Variants in WDR33 observed in about 807,000 individuals in gnomAD.
WDR33 encodes pre-mRNA 3' end processing protein WDR33.
WDR33 carries 47 observed loss-of-function variants against 164.9 expected under a neutral mutation model. That is an observed-to-expected ratio of 0.29 (90% confidence interval 0.23 to 0.36). The LOEUF is 0.36. Among genes scored for constraint, WDR33 ranks in the 10% least tolerant of loss-of-function variants. The pLI, the probability that WDR33 is intolerant of heterozygous loss-of-function variation, is 1.00. For synonymous variants in WDR33, 505 were observed against 589.0 expected, an observed-to-expected ratio of 0.86 and a Z score of 2.06; for missense variants, 1,137 against 1,754.1, an observed-to-expected ratio of 0.65 and a Z score of 6.28.
chr2:127,799,416 C>T (rs1473298013), intron 1 of WDR33, among the ~76,000 whole-genome samples: 2 of 152,222 alleles, frequency 1.3e-5, no homozygotes, highest in South Asian at 2.1e-4. Context: ...ATCCAGAATA[C>T]ACGAAGAACT....
At chr2:127,731,294 CAAAAAA>C (rs35161101) in intron 7 of WDR33, among the ~76,000 whole-genome samples, 1 of 70,326 alleles carries the variant, frequency 1.4e-5, no homozygotes, top group Admixed American at 1.8e-4. Context: ...GACCCTGCCT[CAAAAAA>C]AAAAAAAAAA....
At chr2:127,758,339 G>C (rs1687578339) in intron 7 of WDR33, among the ~76,000 whole-genome samples, 1 of 152,146 alleles carries the variant, frequency 6.6e-6, no homozygotes, top group South Asian at 2.1e-4. Flanking sequence ...GTAGTTAACA[G>C]CATGAATATT....
chr2:127,757,000 C>G (rs1031560791), intron 7 of WDR33, among the ~76,000 whole-genome samples: 1 of 151,512 alleles, frequency 6.6e-6, no homozygotes, highest in African/African-American at 2.4e-5. Context: ...TTGCTTGAAC[C>G]TGCAAGGTGG....
intron 1 of WDR33, among the ~76,000 whole-genome samples, chr2:127,779,627 G>A (rs1244863352): frequency 1.3e-5 from 2 of 152,088 alleles, no homozygotes; most frequent in East Asian, 1.9e-4. Flanking sequence ...AAAGCCAAGG[G>A]CTTGCTGTTA....
chr2:127,744,401 A>G (rs964399903), intron 7 of WDR33, among the ~76,000 whole-genome samples: 2 of 152,258 alleles, frequency 1.3e-5, no homozygotes, highest in Non-Finnish European at 2.9e-5. Flanking sequence ...CATGCAGTCA[A>G]AAAGACTGGG....
chr2:127,798,227 G>C (rs1689108359), intron 1 of WDR33, among the ~76,000 whole-genome samples: 1 of 151,468 alleles, frequency 6.6e-6, no homozygotes, highest in African/African-American at 2.4e-5. Flanking sequence ...ATTTAGCCGG[G>C]CATGGTGGCA....
chr2:127,725,230 T>C lies in WDR33; in HGVS notation c.852-15A>G. 6.4e-7 allele frequency: 1 copy of C among 1,573,584 alleles called. No homozygotes were observed. Among genetic ancestry groups the C allele is most frequent in the Non-Finnish European group, 8.6e-7 (1 of 1,167,336 alleles). Reference sequence around the variant, plus strand: ...TATGGGCATGACTAGAAACAAAGTATCAAAAAAAAATGTCAGAATTCAAAA... The same window carrying C: ...TATGGGCATGACTAGAAACAAAGTACCAAAAAAAAATGTCAGAATTCAAAA... On this transcript the variant is annotated splice_polypyrimidine_tract_variant and intron_variant, in intron 8 of 21. Transcript: ENST00000322313.
chr2:127,706,032 G>C lies in WDR33; in HGVS notation c.*291C>G. ...ATGGACAGGAACTTAAATTTGTGGA[G>C]ATGCCCCATGTCTTGTGAGACTTAA... On this transcript the variant is annotated 3_prime_UTR_variant, in exon 22 of 22. Coordinates refer to ENST00000322313, the MANE Select transcript of WDR33 (RefSeq NM_018383.5). The surrounding 1 kb of genome is among the most constrained non-coding windows in gnomAD (Gnocchi z 5.1). 2.8e-6 allele frequency: 1 copy of C among 352,304 alleles called. No homozygotes were observed. Among genetic ancestry groups the C allele is most frequent in the Non-Finnish European group, 5.1e-6 (1 of 196,924 alleles). The allele number at this position is 352,304 out of a possible 1,614,324, so 21.8% of individuals were successfully genotyped here.
intron 1 of WDR33, among the ~76,000 whole-genome samples, chr2:127,806,421 T>G (rs1689443921): frequency 1.3e-5 from 2 of 152,086 alleles, no homozygotes; most frequent in Admixed American, 1.3e-4. Context: ...TTGGCCAGGC[T>G]GGTCTCAAAC....
At position 127,701,998 on chromosome 2, in the gene WDR33, T is replaced by A. The variant is rs1685902963; in HGVS notation, c.*4325A>T. The A allele has an allele frequency of 7.5e-7, 1 of 1,326,208 alleles. No individual in the cohort carries two copies. Among genetic ancestry groups the A allele is most frequent in the Non-Finnish European group, 9.6e-7 (1 of 1,041,456 alleles). 82.2% of individuals were successfully genotyped at this position (1,326,208 alleles called of 1,614,324 possible). ...TACATGGCAGCGCTGGGCGCCACGC[T>A]GTTCGCCGCGCTGGGCCTTCGCAGC... On this transcript the variant is annotated 3_prime_UTR_variant, in exon 22 of 22. Coordinates refer to ENST00000322313, the MANE Select transcript of WDR33 (RefSeq NM_018383.5).
chr2:127,767,394 T>A (rs1216760696), intron 4 of WDR33, among the ~76,000 whole-genome samples: 1 of 152,234 alleles, frequency 6.6e-6, no homozygotes, highest in African/African-American at 2.4e-5. Context: ...TTATATTTTT[T>A]AAATTTAGTT....
chr2:127,794,481 A>G (rs1319260261), intron 1 of WDR33, among the ~76,000 whole-genome samples: 1 of 151,646 alleles, frequency 6.6e-6, no homozygotes, highest in Admixed American at 6.6e-5. Flanking sequence ...AGCCTGGGGG[A>G]CAAGAGCGAG....
chr2:127,736,009 T>G (rs1428679353), intron 7 of WDR33: 2 of 985,356 alleles, frequency 2.0e-6, no homozygotes, highest in Non-Finnish European at 2.4e-6. Context: ...AACAATACAG[T>G]GCATAGAATC....
Position 127,726,550 on chromosome 2 carries a change from C to G in WDR33, c.851+101G>C. On this transcript the variant is annotated intron_variant, in intron 8 of 21. Transcript: ENST00000322313. The surrounding 1 kb of genome is among the most constrained non-coding windows in gnomAD (Gnocchi z 4.8). ...CCAAGTCCATCTGTTGCCTAAATGA[C>G]TCTTCCAGAAATACATAAGAGAAAA... is the stretch of plus-strand genomic sequence containing the variant. The G allele has an allele frequency of 2.0e-6, 3 of 1,478,202 alleles. No individual in the cohort carries two copies. The Admixed American group carries it at 7.0e-5, about 34-fold the overall frequency. The allele number at this position is 1,478,202 out of a possible 1,614,324, so 91.6% of individuals were successfully genotyped here. A position where few individuals can be genotyped will look rare whatever the true frequency, so the allele number is the denominator to read the frequency against.
chr2:127,753,738 T>A (rs1323247383), intron 7 of WDR33, among the ~76,000 whole-genome samples: 1 of 152,130 alleles, frequency 6.6e-6, no homozygotes, highest in Non-Finnish European at 1.5e-5. Context: ...TATGGAGGCA[T>A]CTAGATTCAG....
chr2:127,729,906 T>C (rs1249170315), intron 7 of WDR33, among the ~76,000 whole-genome samples: 1 of 152,102 alleles, frequency 6.6e-6, no homozygotes, highest in African/African-American at 2.4e-5. Context: ...TAAGAAAATA[T>C]ATGAAAAAAG....
In WDR33 at chr2:127,768,282, A is replaced by G; in HGVS notation, c.285T>C (p.Pro95=). ...DAGYYNDLVP[P]IGMLNNPMNA... ...TCATAGGATTATTCAACATTCCTAT[A>G]GGTGGGACCAGCTACAAAAAAGGAA... The change falls in exon 4 of 22, where the codon CCT becomes CCC. Residue 95 remains proline (P), a synonymous_variant. Coordinates refer to ENST00000322313, the MANE Select transcript of WDR33 (RefSeq NM_018383.5). 1.9e-6 allele frequency: 3 copies of G among 1,553,090 alleles called. No homozygotes were observed. In the South Asian group the frequency reaches 3.7e-5, roughly 19 times the overall value.
At chr2:127,736,435 T>C in intron 7 of WDR33, 1 of 985,420 alleles carries the variant, frequency 1.0e-6, no homozygotes. Flanking sequence ...TTTCAAGTTA[T>C]AAAAAATTTT....
intron 7 of WDR33, among the ~76,000 whole-genome samples, chr2:127,733,431 T>C (rs1686760812): frequency 6.6e-6 from 1 of 152,152 alleles, no homozygotes; most frequent in Non-Finnish European, 1.5e-5. Flanking sequence ...AATTGCAAAA[T>C]TCTAAAATTA....
Sources: allele counts gnomAD v4.1 joint callset (sites outside exome capture counted in the v4.1 genomes callset), GRCh38; gene constraint gnomAD v4.1.1; non-coding constraint Gnocchi (gnomAD v3.1); transcripts MANE v1.5; gene names NCBI Gene and HGNC (gene_info 2026-07-23, HGNC 2026-07-21).